The following HNRNPH3 variants were observed in gnomAD, a reference collection of about 807,000 sequenced individuals.
The protein encoded by HNRNPH3 is heterogeneous nuclear ribonucleoprotein H3, also known as heterogeneous nuclear ribonucleoprotein 2H9.
In HNRNPH3, 7 loss-of-function variants were observed where a neutral mutation model predicts 47.0. The ratio of observed to expected loss-of-function variants is 0.15; its 90% CI spans 0.08 to 0.28. The LOEUF is 0.28. Ranked by LOEUF, HNRNPH3 falls within the 10% of genes least tolerant of loss-of-function variation. HNRNPH3 has a pLI of 1.00. For missense variants in HNRNPH3, 279 were observed against 449.6 expected, an observed-to-expected ratio of 0.62 and a Z score of 3.43; for synonymous variants, 120 against 143.2, an observed-to-expected ratio of 0.84 and a Z score of 1.16.
At chr10:68,341,423 CCT>C in intron 7 of HNRNPH3, 114 bp downstream of exon 7, 1 of 1,173,198 alleles carries the variant, frequency 8.5e-7, no homozygotes, top group South Asian at 1.4e-5. Flanking sequence ...AACCATTTGA[CCT>C]CTATAATGGC....
chr10:68,341,100 G>GA lies in HNRNPH3; in HGVS notation c.640-69dup, dbSNP rs1430022158. On this transcript the variant is annotated intron_variant, in intron 6 of 9. Transcript: ENST00000265866. ...GGAAGGGTTTGTTTTAATTGATGAG[G>GA]AAAAATCAAGGTATGTGGTAATTTA... The GA allele has an allele frequency of 8.2e-6, 9 of 1,093,232 alleles. No individual in the cohort carries two copies. The Admixed American group carries it at 1.8e-4, about 22-fold the overall frequency. The allele number at this position is 1,093,232 out of a possible 1,614,324, so 67.7% of individuals were successfully genotyped here.
chr10:68,332,468 A>G (rs1447677876), intron 1 of HNRNPH3, among the ~76,000 whole-genome samples: 1 of 152,160 alleles, frequency 6.6e-6, no homozygotes, highest in African/African-American at 2.4e-5. Flanking sequence ...GACATCCAGC[A>G]TTTTCCCCTT....
chr10:68,336,669 T>A (rs2134679272), intron 1 of HNRNPH3: 1 of 152,402 alleles, frequency 6.6e-6, no homozygotes, highest in Non-Finnish European at 1.5e-5. Context: ...GACAGTTTGA[T>A]GTGTTCAAAA....
intron 6 of HNRNPH3, among the ~76,000 whole-genome samples, chr10:68,340,183 C>T (rs909103094): frequency 6.6e-6 from 1 of 152,090 alleles, no homozygotes; most frequent in East Asian, 1.9e-4. Flanking sequence ...TACAGGGGCA[C>T]ACCCCACCAC....
chr10:68,342,088 A>G lies in HNRNPH3; in HGVS notation c.*34A>G, dbSNP rs1021270728. On this transcript the variant is annotated 3_prime_UTR_variant, in exon 10 of 10. Coordinates refer to ENST00000265866, the MANE Select transcript of HNRNPH3 (RefSeq NM_012207.3). The stretch of plus-strand genomic sequence containing the variant: ...ACACCAACATACAAGTCTTGACAAC[A>G]GCATCTGGTCTACTAGACTTTCTTA... 20 of 1,491,762 alleles carry G rather than the reference A, an allele frequency of 1.3e-5. No individual in the cohort carries two copies. The highest frequency in any genetic ancestry group is 1.8e-5 in the Non-Finnish European group (19 of 1,076,616). 92.4% of individuals were successfully genotyped at this position (1,491,762 alleles called of 1,614,324 possible).
At position 68,337,745 on chromosome 10, in the gene HNRNPH3, T is replaced by TTTTTG. The variant is rs55863130; in HGVS notation, c.113-94_113-90dup. 0.75 allele frequency: 583,438 copies of TTTTTG among 782,068 alleles called. 225,704 individuals carry two copies. The highest frequency in any genetic ancestry group is 0.85 in the East Asian group (32,595 of 38,198). 48.4% of individuals were successfully genotyped at this position (782,068 alleles called of 1,614,324 possible). A position where few individuals can be genotyped will look rare whatever the true frequency, so the allele number is the denominator to read the frequency against. Reference sequence around the variant, plus strand: ...TTATGGGGTGATGGGAAACTAAGCTTTTTTGTTTTGTTTTGTTTTGTTTAG... The same window carrying TTTTTG: ...TTATGGGGTGATGGGAAACTAAGCTTTTTTGTTTTGTTTTGTTTTGTTTTGTTTAG... On this transcript the variant is annotated intron_variant, in intron 2 of 9. Transcript: ENST00000265866. This position sits in a 1 kb window ranked among gnomAD's most constrained non-coding sequence, Gnocchi z 4.5.
chr10:68,338,673 A>T lies in HNRNPH3; in HGVS notation c.422A>T (p.Asp141Val). The change falls in exon 4 of 10, where the codon GAT becomes GTT. Residue 141 changes from aspartate (D) to valine (V), a missense_variant. By Grantham distance (152) the Asp-to-Val change is radical (BLOSUM62 -3). Coordinates refer to ENST00000265866, the MANE Select transcript of HNRNPH3 (RefSeq NM_012207.3). The part of the protein sequence containing the change: ...SMYDRMRRGG[D>V]GYDGGYGGFD... ...TATGACAGAATGCGACGAGGAGGTGATGGATATGATGGTGGTATGTGTATC... is the reference window on the plus strand; with the variant it reads ...TATGACAGAATGCGACGAGGAGGTGTTGGATATGATGGTGGTATGTGTATC... The T allele has an allele frequency of 6.3e-7, 1 of 1,592,268 alleles. No individual in the cohort carries two copies. Among genetic ancestry groups the T allele is most frequent in the Non-Finnish European group, 8.6e-7 (1 of 1,168,744 alleles).
rs886245915 is a variant in HNRNPH3 at position 68,343,171 on chromosome 10, A to G, written c.*1117A>G. 6.6e-5 allele frequency: 10 copies of G among 152,208 alleles called. No homozygotes were observed. Among genetic ancestry groups the G allele is most frequent in the Non-Finnish European group, 1.2e-4 (8 of 68,038 alleles). 9.4% of individuals were successfully genotyped at this position (152,208 alleles called of 1,614,324 possible). ...TGTTTTTGCCAGAAATGTTATTAAT[A>G]AATGTCATTGTGGGAGATAATAGTA... is the stretch of plus-strand genomic sequence containing the variant. On this transcript the variant is annotated 3_prime_UTR_variant, in exon 10 of 10. Transcript: ENST00000265866.
At chr10:68,341,491 A>G (rs543208028) in intron 7 of HNRNPH3, 94 bp from the exon 8 acceptor site, 49 of 1,032,874 alleles carry the variant, frequency 4.7e-5, no homozygotes, top group Non-Finnish European at 6.9e-5. Context: ...ACTTTGTTTA[A>G]TATTACTTAA....
rs1420082438 is a variant in HNRNPH3 at position 68,337,675 on chromosome 10, A to C, written c.113-183A>C. The C allele has an allele frequency of 3.5e-6, 2 of 566,906 alleles. No individual in the cohort carries two copies. The highest frequency in any genetic ancestry group is 6.1e-6 in the Non-Finnish European group (2 of 329,740). The allele number at this position is 566,906 out of a possible 1,614,324, so 35.1% of individuals were successfully genotyped here. A position where few individuals can be genotyped will look rare whatever the true frequency, so the allele number is the denominator to read the frequency against. ...ACAGTGTTTTTACACTGGTCGCAAAAAATTTATTTAATCCAGTAATATTTG... is the reference window on the plus strand; with the variant it reads ...ACAGTGTTTTTACACTGGTCGCAAACAATTTATTTAATCCAGTAATATTTG... On this transcript the variant is annotated intron_variant, in intron 2 of 9. Coordinates refer to ENST00000265866, the MANE Select transcript of HNRNPH3 (RefSeq NM_012207.3). This position sits in a 1 kb window ranked among gnomAD's most constrained non-coding sequence, Gnocchi z 4.5.
intron 5 of HNRNPH3, 38 bp from the exon 6 acceptor site, chr10:68,339,402 T>G: frequency 6.4e-7 from 1 of 1,563,684 alleles, no homozygotes; most frequent in Non-Finnish European, 8.8e-7. Flanking sequence ...TACTTGTATC[T>G]GTAATAGTTT....
At position 68,342,025 on chromosome 10, in the gene HNRNPH3, A is replaced by T. The variant is rs1708056947; in HGVS notation, c.1012A>T (p.Ser338Cys). The T allele has an allele frequency of 6.2e-7, 1 of 1,613,902 alleles. No homozygotes were observed. Among genetic ancestry groups the T allele is most frequent in the African/African-American group, 1.3e-5 (1 of 74,916 alleles). Residue 338 changes from serine to cysteine, a missense_variant, in exon 10 of 10, where the codon AGT (serine) becomes TGT (cysteine). By Grantham distance (112) the Ser-to-Cys change is moderately radical. Coordinates refer to ENST00000265866, the MANE Select transcript of HNRNPH3 (RefSeq NM_012207.3). ...SGGYYGQGGM[S>C]GGGWRGMY ...AGGTTACTATGGGCAAGGCGGCATG[A>T]GTGGAGGTGGATGGCGTGGGATGTA...
At chr10:68,335,698 T>C (rs1312252122) in intron 1 of HNRNPH3, among the ~76,000 whole-genome samples, 2 of 152,122 alleles carry the variant, frequency 1.3e-5, no homozygotes, top group Admixed American at 6.6e-5. Flanking sequence ...CCAGTAACAA[T>C]TGCCATCAGT....
chr10:68,341,339 T>A (rs763246761), intron 7 of HNRNPH3, 30 bp downstream of exon 7: 152 of 1,582,670 alleles, frequency 9.6e-5, no homozygotes, highest in Non-Finnish European at 1.2e-4. Flanking sequence ...CACAATCTTA[T>A]TTCCTAAACG....
chr10:68,332,288 G>A (rs1044193102), intron 1 of HNRNPH3, 72 bp downstream of exon 1: 1 of 152,276 alleles, frequency 6.6e-6, no homozygotes. Flanking sequence ...ACGAAAGGCC[G>A]GGAGGGGCTG....
rs2046019384 is a variant in HNRNPH3, at chr10:68,342,382, A to G, written c.*328A>G. The G allele has an allele frequency of 4.9e-6, 1 of 205,626 alleles. No individual in the cohort carries two copies. Among genetic ancestry groups the G allele is most frequent in the African/African-American group, 2.3e-5 (1 of 42,824 alleles). 12.7% of individuals were successfully genotyped at this position (205,626 alleles called of 1,614,324 possible). ...AGTTCTACAAGAAGTAGTGTGGTGT[A>G]ATTTTAGAGGATAATGGTTCACCTC... On this transcript the variant is annotated 3_prime_UTR_variant, in exon 10 of 10. Coordinates refer to ENST00000265866, the MANE Select transcript of HNRNPH3 (RefSeq NM_012207.3).
Position 68,337,288 on chromosome 10 carries a change from C to T in HNRNPH3, c.67C>T (p.Leu23=), listed in dbSNP as rs1458431585. The change falls in exon 2 of 10, where the codon CTA becomes TTA. Residue 23 remains leucine (L), a synonymous_variant. Coordinates refer to ENST00000265866, the MANE Select transcript of HNRNPH3 (RefSeq NM_012207.3). The surrounding 1 kb of genome is among the most constrained non-coding windows in gnomAD (Gnocchi z 4.5). The part of the protein sequence containing the change: ...ASDGTVRLRG[L]PFGCSKEEIV... ...TGATGGGACAGTACGACTTCGTGGACTACCATTTGGTTGCAGCAAAGAGGA... is the reference window on the plus strand; with the variant it reads ...TGATGGGACAGTACGACTTCGTGGATTACCATTTGGTTGCAGCAAAGAGGA... 2 of 1,613,402 alleles carry T rather than the reference C, an allele frequency of 1.2e-6. No homozygotes were observed. The highest frequency in any genetic ancestry group is 4.5e-5 in the East Asian group (2 of 44,880).
At chr10:68,338,066 T>TG (rs1035561005) in intron 3 of HNRNPH3, 70 bp downstream of exon 3, 52 of 1,180,750 alleles carry the variant, frequency 4.4e-5, no homozygotes, top group East Asian at 3.2e-4. Flanking sequence ...ATTGCTTAAA[T>TG]GGGGGGGTAG....
intron 4 of HNRNPH3, 48 bp from the exon 5 acceptor site, chr10:68,339,092 T>C: frequency 1.4e-6 from 2 of 1,394,058 alleles, no homozygotes; most frequent in Non-Finnish European, 2.0e-6. Context: ...ATTATAAAAT[T>C]TATCTCTGGA....
Sources: gnomAD v4.1 joint callset for allele counts (sites outside exome capture counted in the v4.1 genomes callset) on GRCh38, gnomAD v4.1.1 for gene constraint, Gnocchi (gnomAD v3.1) non-coding constraint, MANE v1.5 for transcripts, NCBI Gene and HGNC (gene_info 2026-07-23, HGNC 2026-07-21) for gene names.